FREM3: variants seen among roughly 807,000 people sequenced by gnomAD.
FREM3 encodes the protein FRAS1 related extracellular matrix 3.
FREM3 carries 105 observed loss-of-function variants against 129.1 expected under a neutral mutation model. The observed-to-expected ratio is 0.81, with a 90% CI of 0.69 to 0.96. The LOEUF (loss-of-function observed/expected upper bound fraction) is 0.96. Ranked by LOEUF, FREM3 falls within the 40% of genes least tolerant of loss-of-function variation. The pLI, the probability that FREM3 is intolerant of heterozygous loss-of-function variation, is 0.00. For synonymous variants in FREM3, 1,014 were observed against 1,044.9 expected (o/e 0.97, Z 0.57); for missense variants, 2,593 against 2,666.3 (o/e 0.97, Z 0.61).
chr4:143,630,422 C>T (rs1739116093), intron 2 of FREM3, among the ~76,000 whole-genome samples: 1 of 152,082 alleles, frequency 6.6e-6, no homozygotes, highest in Non-Finnish European at 1.5e-5. Context: ...TAACATTTTT[C>T]TTTTTAAAGC....
chr4:143,649,908 TG>T (rs1385548916), intron 2 of FREM3, among the ~76,000 whole-genome samples: 1 of 152,236 alleles, frequency 6.6e-6, no homozygotes, highest in African/African-American at 2.4e-5. Context: ...ATCAATTGGT[TG>T]TTCAAATTGA....
At chr4:143,613,154 T>G (rs529651706) in intron 5 of FREM3, among the ~76,000 whole-genome samples, 4 of 152,324 alleles carry the variant, frequency 2.6e-5, no homozygotes, top group African/African-American at 9.6e-5. Flanking sequence ...AGAACAAAAA[T>G]TTTAGAATTA....
chr4:143,578,873 A>T (rs1738085627), intron 7 of FREM3, among the ~76,000 whole-genome samples: 1 of 152,226 alleles, frequency 6.6e-6, no homozygotes, highest in South Asian at 2.1e-4. Context: ...TTAGAACTGG[A>T]TTCTTTTGCT....
Position 143,695,924 on chromosome 4 carries a change from C to T in FREM3, c.4752G>A (p.Lys1584=). The stretch of plus-strand genomic sequence containing the variant: ...CGGGACGGCTACCATTGTACAAAAT[C>T]TTGCCATGCATGGGGACCTGGGTGA... ...FTITQVPMHG[K]ILYNGSRPVT... is the part of the protein sequence containing the mutation. Residue 1584 remains lysine, a synonymous_variant, in exon 1 of 8, where the codon AAG becomes AAA. Transcript: ENST00000329798. 6.5e-7 allele frequency: 1 copy of T among 1,537,814 alleles called. No homozygotes were observed. Among genetic ancestry groups the T allele is most frequent in the Non-Finnish European group, 8.7e-7 (1 of 1,147,042 alleles).
intron 2 of FREM3, among the ~76,000 whole-genome samples, chr4:143,672,324 T>TTGG (rs1740013372): frequency 6.6e-6 from 1 of 152,180 alleles, no homozygotes; most frequent in Non-Finnish European, 1.5e-5. Context: ...AGCAAGAGAC[T>TTGG]TTGTTTGGTT....
chr4:143,684,244 T>G (rs1205849093), intron 2 of FREM3, among the ~76,000 whole-genome samples: 2 of 152,088 alleles, frequency 1.3e-5, no homozygotes, highest in East Asian at 3.9e-4. Flanking sequence ...AGGACCCTCA[T>G]GGAGTCCATT....
Position 143,698,140 on chromosome 4 carries a change from T to C in FREM3, c.2536A>G (p.Asn846Asp). 1 of 1,537,470 alleles carries C rather than the reference T, an allele frequency of 6.5e-7. No homozygotes were observed. Among genetic ancestry groups the C allele is most frequent in the African/African-American group, 1.4e-5 (1 of 73,176 alleles). Residue 846 changes from asparagine (N) to aspartate (D), a missense_variant, in exon 1 of 8, where the codon AAC (asparagine) becomes GAC (aspartate). This residue lies in a region of FREM3 where 2,276 missense variants were observed against 2,267.2 expected (regional missense o/e 1.00). Transcript: ENST00000329798. ...ACATGCAGCTCATTACTGCTGAGGTTAAAGCTGCCTCCCTCTAAGATAGCA... is the reference window on the plus strand; with the variant it reads ...ACATGCAGCTCATTACTGCTGAGGTCAAAGCTGCCTCCCTCTAAGATAGCA... ...GFAILEGGSF[N>D]LSSNELHVTD...
intron 2 of FREM3, among the ~76,000 whole-genome samples, chr4:143,664,747 C>G (rs553348692): frequency 1.3e-5 from 2 of 152,292 alleles, no homozygotes; most frequent in South Asian, 4.1e-4. Flanking sequence ...CCACCCAGTT[C>G]GAGCTTCCCA....
At chr4:143,641,107 C>A (rs1739314661) in intron 2 of FREM3, among the ~76,000 whole-genome samples, 1 of 152,106 alleles carries the variant, frequency 6.6e-6, no homozygotes, top group South Asian at 2.1e-4. Context: ...TAGCAGACAG[C>A]CCAAGGGTGC....
At chr4:143,641,403 A>G (rs1358859334) in intron 2 of FREM3, among the ~76,000 whole-genome samples, 1 of 152,224 alleles carries the variant, frequency 6.6e-6, no homozygotes, top group Admixed American at 6.5e-5. Flanking sequence ...TTCACTAACA[A>G]TTGTGAGTTT....
At chr4:143,688,357 A>G (rs113314906) in intron 2 of FREM3, among the ~76,000 whole-genome samples, 11,054 of 152,152 alleles carry the variant, frequency 0.073, 1,070 homozygotes, top group African/African-American at 0.21. Flanking sequence ...ACAAAACACT[A>G]CTGAAAGAAA....
rs766999655 is a variant in FREM3 at position 143,698,174 on chromosome 4, G to C, written c.2502C>G (p.Asn834Lys). The part of the protein sequence containing the change: ...PVDNQPPEVT[N>K]RGFAILEGGS... ...CTCCCTCTAAGATAGCAAAGCCTCT[G>C]TTGGTGACTTCTGGGGGCTGGTTGT... The change falls in exon 1 of 8, where the codon AAC becomes AAG. Residue 834 changes from asparagine (N) to lysine (K), a missense_variant. Transcript: ENST00000329798. 4 of 1,537,492 alleles carry C rather than the reference G, an allele frequency of 2.6e-6. No individual in the cohort carries two copies. The South Asian group carries it at 4.8e-5, about 18-fold the overall frequency.
intron 6 of FREM3, among the ~76,000 whole-genome samples, chr4:143,591,595 G>A (rs1250779234): frequency 2.0e-5 from 3 of 152,142 alleles, no homozygotes; most frequent in Non-Finnish European, 2.9e-5. Flanking sequence ...TTGCACTGTG[G>A]TCTGAGAGAC....
chr4:143,661,834 A>G (rs1739731327), intron 2 of FREM3, among the ~76,000 whole-genome samples: 2 of 152,218 alleles, frequency 1.3e-5, no homozygotes, highest in Admixed American at 6.5e-5. Context: ...GTATGTGTGA[A>G]GGAATTTATC....
chr4:143,665,484 G>A (rs753505782), intron 2 of FREM3, among the ~76,000 whole-genome samples: 1 of 152,014 alleles, frequency 6.6e-6, no homozygotes, highest in Non-Finnish European at 1.5e-5. Flanking sequence ...ATAAAATAAT[G>A]CTACAGTAAA....
At chr4:143,654,119 T>C (rs561885548) in intron 2 of FREM3, among the ~76,000 whole-genome samples, 1 of 152,338 alleles carries the variant, frequency 6.6e-6, no homozygotes, top group East Asian at 1.9e-4. Context: ...TTTTTTATTT[T>C]TGAGACGGAG....
At chr4:143,636,280 C>T (rs1739232466) in intron 2 of FREM3, among the ~76,000 whole-genome samples, 1 of 144,346 alleles carries the variant, frequency 6.9e-6, no homozygotes, top group Non-Finnish European at 1.5e-5. Context: ...GACCAACATG[C>T]ACCAGATGCC....
At chr4:143,675,554 G>C (rs1472466628) in intron 2 of FREM3, among the ~76,000 whole-genome samples, 6 of 151,912 alleles carry the variant, frequency 3.9e-5, no homozygotes, top group Non-Finnish European at 7.4e-5. Flanking sequence ...GCAGAACTGA[G>C]GGAGATAGAG....
At position 143,696,920 on chromosome 4, in the gene FREM3, G is replaced by T. The variant is rs771558077; in HGVS notation, c.3756C>A (p.Ile1252=). The change falls in exon 1 of 8, where the codon ATC becomes ATA. Residue 1252 remains isoleucine, a synonymous_variant. Coordinates refer to ENST00000329798, the MANE Select transcript of FREM3 (RefSeq NM_001168235.2). ...IQQLATGSQP[I]HSFTLKEIQE... is the part of the protein sequence containing the mutation. The stretch of plus-strand genomic sequence containing the variant: ...GGATCTCCTTGAGGGTGAAGCTGTG[G>T]ATGGGCTGGCTGCCTGTAGCCAGCT... The T allele has an allele frequency of 2.2e-5, 34 of 1,537,362 alleles. No individual in the cohort carries two copies. The African/African-American group carries it at 4.2e-4, about 19-fold the overall frequency.
Sources: allele counts gnomAD v4.1 joint callset (sites outside exome capture counted in the v4.1 genomes callset), GRCh38; gene constraint gnomAD v4.1.1; regional missense constraint gnomAD v4.1.1; transcripts MANE v1.5; gene names NCBI Gene and HGNC (gene_info 2026-07-23, HGNC 2026-07-21).